DHRS4L2: variants seen among roughly 807,000 people sequenced by gnomAD.
The protein encoded by DHRS4L2 is dehydrogenase/reductase 4 like 2.
DHRS4L2 carries 22 observed loss-of-function variants against 23.9 expected under a neutral mutation model. The ratio of observed to expected loss-of-function variants is 0.92; its 90% CI spans 0.66 to 1.31. The LOEUF (loss-of-function observed/expected upper bound fraction) is 1.31, where lower values mean the gene tolerates loss of function less well. Among genes scored for constraint, DHRS4L2 ranks in the 40% most tolerant of loss-of-function variants. DHRS4L2 has a pLI of 0.00. For missense variants in DHRS4L2, 385 were observed against 303.3 expected (o/e 1.27, Z -2.00); for synonymous variants, 141 against 123.7 (o/e 1.14, Z -0.93).
chr14:23,999,088 G>T (rs1218344957), intron 3 of DHRS4L2, among the ~76,000 whole-genome samples: 2 of 147,480 alleles, frequency 1.4e-5, no homozygotes, highest in Admixed American at 6.8e-5. Context: ...ATGAGAGAAG[G>T]GCAGAGCAGT....
At chr14:23,993,888 G>C (rs1332846447) in intron 2 of DHRS4L2, among the ~76,000 whole-genome samples, 1 of 151,558 alleles carries the variant, frequency 6.6e-6, no homozygotes, top group Non-Finnish European at 1.5e-5. Context: ...TTATGAATTA[G>C]CTCTGTGCTA....
intron 6 of DHRS4L2, among the ~76,000 whole-genome samples, 197 bp from the exon 7 acceptor site, chr14:24,004,140 G>A (rs1473055030): frequency 8.8e-5 from 13 of 146,944 alleles, no homozygotes; most frequent in South Asian, 2.2e-4. Context: ...CGCAGTGGCG[G>A]GCGCCTGTAA....
chr14:23,979,074 T>C (rs1222390212), intron 1 of DHRS4L2, among the ~76,000 whole-genome samples: 5 of 140,826 alleles, frequency 3.6e-5, no homozygotes, highest in Non-Finnish European at 7.6e-5. Flanking sequence ...AAGACACACA[T>C]AGGCTCAAAA....
chr14:23,971,054 G>A (rs998945029), intron 1 of DHRS4L2, among the ~76,000 whole-genome samples: 1 of 152,072 alleles, frequency 6.6e-6, no homozygotes, highest in Non-Finnish European at 1.5e-5. Flanking sequence ...AACCAGAGCA[G>A]AAATGCTGAA....
chr14:23,995,157 G>T (rs374464242), intron 3 of DHRS4L2, 24 bp downstream of exon 3: 1 of 1,609,102 alleles, frequency 6.2e-7, no homozygotes, highest in East Asian at 2.2e-5. Flanking sequence ...AAAGAAGCGC[G>T]GAAGGGGGCC....
At chr14:23,985,101 A>G (rs1456859818), upstream of DHRS4L2, among the ~76,000 whole-genome samples, 7 of 151,536 alleles carry the variant, frequency 4.6e-5, no homozygotes, top group East Asian at 1.4e-3. Context: ...CAAGGAGCAC[A>G]GCACCAGGGA....
At chr14:23,992,071 G>C (rs1159144197) in intron 2 of DHRS4L2, among the ~76,000 whole-genome samples, 1 of 151,626 alleles carries the variant, frequency 6.6e-6, no homozygotes, top group East Asian at 1.9e-4. Context: ...GACCTTAAAA[G>C]GATATGGCCT....
chr14:23,997,907 G>A (rs1437916526), intron 3 of DHRS4L2, among the ~76,000 whole-genome samples: 1 of 151,824 alleles, frequency 6.6e-6, no homozygotes, highest in African/African-American at 2.4e-5. Context: ...AAGGTTTTCA[G>A]TTAACTTTGC....
chr14:23,996,986 T>G (rs1268137677), intron 3 of DHRS4L2, among the ~76,000 whole-genome samples: 3 of 151,350 alleles, frequency 2.0e-5, no homozygotes, highest in Non-Finnish European at 4.4e-5. Flanking sequence ...ACAGTCTGAA[T>G]ACAGACCATA....
upstream of DHRS4L2, chr14:23,987,292 G>A (rs764214039): frequency 7.3e-5 from 20 of 273,856 alleles, no homozygotes; most frequent in South Asian, 1.1e-4. Flanking sequence ...CACCACGCCC[G>A]GCTAATTTTT....
intron 3 of DHRS4L2, among the ~76,000 whole-genome samples, chr14:23,998,550 C>G (rs1236477603): frequency 6.6e-6 from 1 of 150,752 alleles, no homozygotes; most frequent in East Asian, 1.9e-4. Context: ...CATCAGCACT[C>G]GCTGCTTCAT....
intron 1 of DHRS4L2, chr14:23,970,379 G>T (rs4048584): frequency 5.1e-6 from 2 of 388,920 alleles, no homozygotes; most frequent in African/African-American, 2.3e-5. Context: ...AACTGCATCA[G>T]TTAACGGGGC....
At chr14:23,985,903 C>A (rs2034131996), upstream of DHRS4L2, among the ~76,000 whole-genome samples, 2 of 151,422 alleles carry the variant, frequency 1.3e-5, no homozygotes, top group South Asian at 2.1e-4. Context: ...AGGGTTTCAC[C>A]ATGTTGGTCA....
At chr14:24,004,529 T>G in intron 7 of DHRS4L2, 137 bp downstream of exon 7, 1 of 1,086,186 alleles carries the variant, frequency 9.2e-7, no homozygotes. Context: ...CACGAATTCA[T>G]AAACACTATC....
At chr14:23,987,170 G>T (rs766579276), upstream of DHRS4L2, 4 of 316,920 alleles carry the variant, frequency 1.3e-5, no homozygotes, top group Non-Finnish European at 2.5e-5. Context: ...TCCATCTGTC[G>T]CTCAGGTTGG....
At chr14:23,989,677 T>A (rs1353840976) in intron 1 of DHRS4L2, among the ~76,000 whole-genome samples, 2 of 151,824 alleles carry the variant, frequency 1.3e-5, no homozygotes, top group Non-Finnish European at 2.9e-5. Context: ...AAAATGCTAA[T>A]GGCTGACAAC....
upstream of DHRS4L2, chr14:23,988,743 A>C: frequency 1.5e-6 from 2 of 1,369,756 alleles, 1 homozygote; most frequent in Non-Finnish European, 1.9e-6. Context: ...CCGGGAAGGC[A>C]AGCCCCAGTC....
chr14:23,974,831 C>T (rs1035988834), intron 1 of DHRS4L2, among the ~76,000 whole-genome samples: 1 of 151,830 alleles, frequency 6.6e-6, no homozygotes, highest in Non-Finnish European at 1.5e-5. Flanking sequence ...CAAAGAGGAG[C>T]TGGTACTATT....
rs375756199 is a variant in DHRS4L2 at position 24,001,036 on chromosome 14, C to G, written c.483C>G (p.Gly161=). 6.2e-7 allele frequency: 1 copy of G among 1,611,418 alleles called. No individual in the cohort carries two copies. Among genetic ancestry groups the G allele is most frequent in the Non-Finnish European group, 8.5e-7 (1 of 1,179,484 alleles). ...GTCAGCTCTCTTCTTTTTCCAGAGG[C>G]GGCTCAGTGGTGATCGTGTCTTCCA... is the stretch of plus-strand genomic sequence containing the variant. ...AVVPEMEKRG[G]GSVVIVSSIA... The change falls in exon 5 of 8, where the codon GGC becomes GGG. Residue 161 remains glycine (G), a synonymous_variant. Transcript: ENST00000335125.
Sources: allele counts gnomAD v4.1 joint callset (sites outside exome capture counted in the v4.1 genomes callset), GRCh38; gene constraint gnomAD v4.1.1; transcripts MANE v1.5; gene names NCBI Gene and HGNC (gene_info 2026-07-23, HGNC 2026-07-21).